Variants in ZFP41 observed in about 807,000 individuals in gnomAD.
ZFP41 encodes ZFP41 zinc finger protein.
In ZFP41, 10 loss-of-function variants were observed where a neutral mutation model predicts 11.6. That is an observed-to-expected ratio of 0.86 (90% CI 0.53 to 1.47). ZFP41 has a LOEUF of 1.47. ZFP41 is among the 40% of genes most tolerant of loss of function. ZFP41 has a pLI of 0.00. For synonymous variants in ZFP41, 123 were observed against 100.9 expected (o/e 1.22, Z -1.31); for missense variants, 302 against 264.6 (o/e 1.14, Z -0.98).
intron 2 of ZFP41, among the ~76,000 whole-genome samples, chr8:143,253,947 T>C (rs1364248100): frequency 6.6e-6 from 1 of 152,048 alleles, no homozygotes; most frequent in Non-Finnish European, 1.5e-5. Flanking sequence ...AGGCATTTGA[T>C]TCTCATAAGG....
At chr8:143,249,637 T>TC in intron 1 of ZFP41, 53 bp from the exon 2 acceptor site, 5 of 737,458 alleles carry the variant, frequency 6.8e-6, no homozygotes, top group Non-Finnish European at 1.0e-5. Flanking sequence ...GAATCCCACA[T>TC]CCCCTGAAAG....
At chr8:143,257,115 T>C (rs1002360272) in intron 2 of ZFP41, among the ~76,000 whole-genome samples, 3 of 152,230 alleles carry the variant, frequency 2.0e-5, no homozygotes, top group Admixed American at 2.0e-4. Context: ...CCCTGTGTGC[T>C]TCTGTTGCTG....
At chr8:143,257,923 C>T (rs766447906) in intron 2 of ZFP41, among the ~76,000 whole-genome samples, 1 of 152,338 alleles carries the variant, frequency 6.6e-6, no homozygotes, top group Middle Eastern at 3.4e-3. Context: ...TACCCAGACT[C>T]GGAGACAGAC....
At position 143,250,685 on chromosome 8, in the gene ZFP41, CT is replaced by C. The variant is rs755181576; in HGVS notation, c.*247del. On this transcript the variant is annotated 3_prime_UTR_variant, in exon 2 of 3. Coordinates refer to ENST00000330701, the MANE Select transcript of ZFP41 (RefSeq NM_173832.6). ...GTGATGGAGAAGCCACCAGAGGCTCCTTGCAGCCACAGAGCATTTTCCAAGT... is the reference window on the plus strand; with the variant it reads ...GTGATGGAGAAGCCACCAGAGGCTCCTGCAGCCACAGAGCATTTTCCAAGT... 1.6e-5 allele frequency: 10 copies of C among 607,114 alleles called. No individual in the cohort carries two copies. The highest frequency in any genetic ancestry group is 1.3e-4 in the South Asian group (5 of 39,614). 37.6% of individuals were successfully genotyped at this position (607,114 alleles called of 1,614,324 possible). A position where few individuals can be genotyped will look rare whatever the true frequency, so the allele number is the denominator to read the frequency against.
chr8:143,262,425 AGTTACTTTCT>A lies in ZFP41; in HGVS notation c.*3555_*3564del, dbSNP rs1815069880. On this transcript the variant is annotated 3_prime_UTR_variant, in exon 3 of 3. Transcript: ENST00000330701. Reference sequence around the variant, plus strand: ...GTTGGTGGCAGATGTCCCATTTCCCAGTTACTTTCTGTTGTCCAAAAGTTTAACTGTCCTG... The same window carrying A: ...GTTGGTGGCAGATGTCCCATTTCCCAGTTGTCCAAAAGTTTAACTGTCCTG... 6.6e-6 allele frequency: 1 copy of A among 152,402 alleles called. No homozygotes were observed. Among genetic ancestry groups the A allele is most frequent in the African/African-American group, 2.4e-5 (1 of 41,448 alleles). 9.4% of individuals were successfully genotyped at this position (152,402 alleles called of 1,614,324 possible).
chr8:143,257,365 C>T (rs969193434), intron 2 of ZFP41, among the ~76,000 whole-genome samples: 3 of 152,106 alleles, frequency 2.0e-5, no homozygotes, highest in South Asian at 2.1e-4. Flanking sequence ...GGTGTGGTGG[C>T]GCATGCCTGT....
chr8:143,248,810 A>G (rs1296978489), intron 1 of ZFP41, among the ~76,000 whole-genome samples: 1 of 152,174 alleles, frequency 6.6e-6, no homozygotes, highest in Admixed American at 6.5e-5. Flanking sequence ...CCACCTCTAG[A>G]TAGAGCCCTA....
intron 2 of ZFP41, chr8:143,252,899 C>G (rs1814809587): frequency 6.6e-6 from 1 of 152,374 alleles, no homozygotes; most frequent in South Asian, 2.1e-4. Flanking sequence ...GCAGGACATC[C>G]TGGTGGGCCC....
rs73376291 is a variant in ZFP41 at position 143,250,462 on chromosome 8, G to A, written c.*22G>A. The A allele has an allele frequency of 4.6e-5, 74 of 1,599,142 alleles. No homozygotes were observed. The African/African-American group carries it at 5.9e-4, about 13-fold the overall frequency. ...CTGAGCCGGGGCCATCTGCGGACTC[G>A]GGCCCTGCGGTGCGAGCCTCGCCGG... On this transcript the variant is annotated 3_prime_UTR_variant, in exon 2 of 3. Transcript: ENST00000330701.
At chr8:143,254,028 C>T (rs1814847222) in intron 2 of ZFP41, among the ~76,000 whole-genome samples, 1 of 152,188 alleles carries the variant, frequency 6.6e-6, no homozygotes, top group African/African-American at 2.4e-5. Flanking sequence ...CTAATGCCAC[C>T]GCTGATCTGA....
rs7388478 is a variant in ZFP41 at position 143,260,963 on chromosome 8, T to C, written c.*2089T>C. ...TGAGAGCTATGCCAGCATCCATCCCTGCAGGTCCCATCCCTGAGCCATTTC... is the reference window on the plus strand; with the variant it reads ...TGAGAGCTATGCCAGCATCCATCCCCGCAGGTCCCATCCCTGAGCCATTTC... On this transcript the variant is annotated 3_prime_UTR_variant, in exon 3 of 3. Transcript: ENST00000330701. The C allele has an allele frequency of 0.47, 72,010 of 152,712 alleles. 17,746 individuals are homozygous for C. The highest frequency in any genetic ancestry group is 0.69 in the East Asian group (3,566 of 5,172). The allele number at this position is 152,712 out of a possible 1,614,324, so 9.5% of individuals were successfully genotyped here. A position where few individuals can be genotyped will look rare whatever the true frequency, so the allele number is the denominator to read the frequency against.
At chr8:143,257,752 G>A (rs750857797) in intron 2 of ZFP41, among the ~76,000 whole-genome samples, 1 of 152,220 alleles carries the variant, frequency 6.6e-6, no homozygotes, top group Non-Finnish European at 1.5e-5. Context: ...CCACCAAAAC[G>A]GTTCGACCAT....
chr8:143,258,252 T>G (rs2130719677), intron 2 of ZFP41, among the ~76,000 whole-genome samples: 1 of 152,200 alleles, frequency 6.6e-6, no homozygotes, highest in South Asian at 2.1e-4. Flanking sequence ...GCCCAGGAGG[T>G]TGACACTTCA....
rs1270060166 is a variant in ZFP41 at position 143,249,741 on chromosome 8, G to A, written c.-103G>A. ...TCCTGGTGCAGAGCATCAGTCCCAC[G>A]CTGGGAGTGTGGAGAGGTGCGTGGG... On this transcript the variant is annotated 5_prime_UTR_variant, in exon 2 of 3. Coordinates refer to ENST00000330701, the MANE Select transcript of ZFP41 (RefSeq NM_173832.6). The A allele has an allele frequency of 3.1e-5, 45 of 1,474,640 alleles. No individual in the cohort carries two copies. The highest frequency in any genetic ancestry group is 2.5e-4 in the Admixed American group (10 of 39,458). The allele number at this position is 1,474,640 out of a possible 1,614,324, so 91.3% of individuals were successfully genotyped here.
Sources: allele counts gnomAD v4.1 joint callset (sites outside exome capture counted in the v4.1 genomes callset), GRCh38; gene constraint gnomAD v4.1.1; transcripts MANE v1.5; gene names NCBI Gene and HGNC (gene_info 2026-07-23, HGNC 2026-07-21).